NOP58: variants seen among roughly 807,000 people sequenced by gnomAD.
The protein encoded by NOP58 is nucleolar protein 58.
In NOP58, 44 loss-of-function variants were observed where a neutral mutation model predicts 71.2. The ratio of observed to expected loss-of-function variants is 0.62; its 90% CI spans 0.49 to 0.79. The LOEUF is 0.79. Among genes scored for constraint, NOP58 ranks in the 30% least tolerant of loss-of-function variants. NOP58 has a pLI of 0.00. For synonymous variants in NOP58, 228 were observed against 200.3 expected, an observed-to-expected ratio of 1.14 and a Z score of -1.17; for missense variants, 538 against 620.2, an observed-to-expected ratio of 0.87 and a Z score of 1.41.
At chr2:202,295,265 A>C (rs893379867) in intron 9 of NOP58, among the ~76,000 whole-genome samples, 1 of 152,224 alleles carries the variant, frequency 6.6e-6, no homozygotes, top group Non-Finnish European at 1.5e-5. Flanking sequence ...CTTCCTAATA[A>C]ATGTGTTTAT....
chr2:202,280,768 G>GTT (rs1688688553), intron 3 of NOP58, among the ~76,000 whole-genome samples: 3 of 142,708 alleles, frequency 2.1e-5, no homozygotes, highest in Admixed American at 6.8e-5. Flanking sequence ...CAACTTGCAA[G>GTT]TCTTTTTTTT....
intron 6 of NOP58, among the ~76,000 whole-genome samples, chr2:202,288,340 C>T (rs1037283574): frequency 6.6e-6 from 1 of 151,040 alleles, no homozygotes; most frequent in Non-Finnish European, 1.5e-5. Flanking sequence ...CAAAATTAAC[C>T]AGGCATGGTG....
At chr2:202,284,559 C>CAA in intron 5 of NOP58, 78 bp downstream of exon 5, 1 of 1,439,088 alleles carries the variant, frequency 6.9e-7, no homozygotes, top group Admixed American at 2.0e-5. Context: ...AAGAATGTTA[C>CAA]AAATGCTCAT....
At chr2:202,277,418 C>T (rs948232886) in intron 2 of NOP58, among the ~76,000 whole-genome samples, 9 of 151,456 alleles carry the variant, frequency 5.9e-5, no homozygotes, top group African/African-American at 2.2e-4. Flanking sequence ...GCAGAGGTTG[C>T]AGTGAGCCGA....
rs1688817518 is a variant in NOP58, at chr2:202,287,738, A to T, written c.499+14A>T. 6.3e-7 allele frequency: 1 copy of T among 1,582,058 alleles called. No homozygotes were observed. ...TTCAGGCAATTTGTAAGTATAGTAC[A>T]TGCAAAGTCCGATTTGTTGCTCTGT... On this transcript the variant is annotated intron_variant, in intron 6 of 14. Coordinates refer to ENST00000264279, the MANE Select transcript of NOP58 (RefSeq NM_015934.5).
chr2:202,303,492 G>T lies in NOP58; in HGVS notation c.*56G>T. 6.4e-7 allele frequency: 1 copy of T among 1,567,960 alleles called. No homozygotes were observed. The highest frequency in any genetic ancestry group is 1.2e-5 in the South Asian group (1 of 86,408). The stretch of plus-strand genomic sequence containing the variant: ...CACACATCATGCTTAAGATTCAACT[G>T]GGAGCATACCAGGGATGCTCTCTAA... On this transcript the variant is annotated 3_prime_UTR_variant, in exon 15 of 15. Transcript: ENST00000264279.
intron 2 of NOP58, chr2:202,276,451 ATTCTTC>A (rs756649993): frequency 4.7e-5 from 24 of 513,950 alleles, no homozygotes; most frequent in Non-Finnish European, 8.6e-5. Context: ...TCAATGATGT[ATTCTTC>A]TTGGAACTGA....
intron 5 of NOP58, among the ~76,000 whole-genome samples, chr2:202,287,289 G>A (rs1442086335): frequency 6.6e-6 from 1 of 151,902 alleles, no homozygotes; most frequent in African/African-American, 2.4e-5. Context: ...GGTTGGTCTC[G>A]AACTCCTAAC....
chr2:202,295,556 A>C (rs775108648), intron 9 of NOP58, 118 bp from the exon 10 acceptor site: 63 of 714,960 alleles, frequency 8.8e-5, no homozygotes, highest in Non-Finnish European at 1.3e-4. Context: ...AGAATTCTAT[A>C]TTATATGTGA....
chr2:202,297,762 C>T (rs1349586952), intron 11 of NOP58, 83 bp from the exon 12 acceptor site: 2 of 860,536 alleles, frequency 2.3e-6, no homozygotes, highest in Admixed American at 5.9e-5. Context: ...GTTTGCTGGC[C>T]CACTGATTCA....
At chr2:202,276,201 G>A (rs1000174334) in intron 2 of NOP58, among the ~76,000 whole-genome samples, 2 of 151,962 alleles carry the variant, frequency 1.3e-5, no homozygotes, top group African/African-American at 4.8e-5. Flanking sequence ...AGCCGGGCGT[G>A]GTGGCACATG....
chr2:202,293,823 C>T (rs1439163335), intron 9 of NOP58, among the ~76,000 whole-genome samples: 1 of 151,994 alleles, frequency 6.6e-6, no homozygotes, highest in Non-Finnish European at 1.5e-5. Flanking sequence ...GATCTGCGCA[C>T]CTCAGCCTCC....
chr2:202,276,137 G>A (rs1006537290), intron 2 of NOP58, among the ~76,000 whole-genome samples: 3 of 151,918 alleles, frequency 2.0e-5, no homozygotes, highest in East Asian at 1.9e-4. Flanking sequence ...TCAGGAGCTC[G>A]AGACCAGCCT....
chr2:202,278,172 T>A, intron 3 of NOP58, 170 bp downstream of exon 3: 1 of 715,056 alleles, frequency 1.4e-6, no homozygotes, highest in Non-Finnish European at 2.6e-6. Context: ...CATTCGTCAC[T>A]ACCACTGAGA....
chr2:202,288,595 A>G (rs907934720), intron 6 of NOP58, among the ~76,000 whole-genome samples: 2 of 152,050 alleles, frequency 1.3e-5, no homozygotes, highest in African/African-American at 2.4e-5. Flanking sequence ...AGGCTGGTGG[A>G]TCACCTGAGG....
At chr2:202,275,445 C>T in intron 2 of NOP58, 2 of 351,776 alleles carry the variant, frequency 5.7e-6, no homozygotes, top group Non-Finnish European at 1.0e-5. Flanking sequence ...ATACTTTAAA[C>T]CTCGGATAGT....
chr2:202,297,867 GA>G lies in NOP58; in HGVS notation c.1233del (p.Ala412HisfsTer2). 2 of 1,585,058 alleles carry G rather than the reference GA, an allele frequency of 1.3e-6. No homozygotes were observed. Among genetic ancestry groups the G allele is most frequent in the African/African-American group, 1.4e-5 (1 of 73,844 alleles). On this transcript the variant is annotated frameshift_variant, in exon 12 of 15. Coordinates refer to ENST00000264279, the MANE Select transcript of NOP58 (RefSeq NM_015934.5). LOFTEE classifies it high-confidence loss of function. ...DRGIRKISGT[G>X]KALAKTEKYE... Reference sequence around the variant, plus strand: ...TAGATAAGAAAAATAAGTGGAACAGGAAAAGCATTAGCAAAAACAGAAAAAT... The same window carrying G: ...TAGATAAGAAAAATAAGTGGAACAGGAAAGCATTAGCAAAAACAGAAAAAT...
In NOP58 at chr2:202,298,376, C is replaced by A. The variant is rs184147548; in HGVS notation, c.1268+470C>A. 3.3e-4 allele frequency among the ~76,000 whole-genome samples: 51 copies of A among 152,268 alleles called. 1 individual carries two copies. The East Asian group carries it at 8.3e-3, about 25-fold the overall frequency. On this transcript the variant is annotated intron_variant, in intron 12 of 14. Transcript: ENST00000264279. ...TTATCAAAAAGTTCACTCAGCCGGG[C>A]ACAGTGGCTCATGCCTGTAATCCCA...
intron 10 of NOP58, 96 bp downstream of exon 10, chr2:202,295,933 A>T (rs561351530): frequency 1.1e-6 from 1 of 924,384 alleles, no homozygotes; most frequent in Non-Finnish European, 1.5e-6. Context: ...TAAATCTTCT[A>T]TTGTCTCTTT....
Sources: gnomAD v4.1 joint callset for allele counts (sites outside exome capture counted in the v4.1 genomes callset) on GRCh38, gnomAD v4.1.1 for gene constraint, MANE v1.5 for transcripts, NCBI Gene and HGNC (gene_info 2026-07-23, HGNC 2026-07-21) for gene names.